Variants in MYO1B observed in about 807,000 individuals in gnomAD.
MYO1B encodes the protein unconventional myosin-Ib.
MYO1B carries 72 observed loss-of-function variants against 159.7 expected under a neutral mutation model. The observed-to-expected ratio is 0.45, with a 90% CI of 0.37 to 0.55. MYO1B has a LOEUF of 0.55. Among genes scored for constraint, MYO1B ranks in the 20% least tolerant of loss-of-function variants. The probability of loss-of-function intolerance (pLI) is 0.00; values close to 1 mark genes in which losing one functional copy is unlikely to be tolerated. For missense variants in MYO1B, 1,062 were observed against 1,364.8 expected, an observed-to-expected ratio of 0.78 and a Z score of 3.50; for synonymous variants, 468 against 473.8, an observed-to-expected ratio of 0.99 and a Z score of 0.16.
intron 7 of MYO1B, among the ~76,000 whole-genome samples, chr2:191,359,660 G>A (rs568327322): frequency 2.2e-4 from 33 of 152,278 alleles, no homozygotes; most frequent in African/African-American, 7.7e-4. Context: ...ATCGTTCCTA[G>A]ATTAAATGGC....
At chr2:191,373,074 T>A (rs1694478540) in intron 13 of MYO1B, among the ~76,000 whole-genome samples, 1 of 151,892 alleles carries the variant, frequency 6.6e-6, no homozygotes, top group Non-Finnish European at 1.5e-5. Context: ...ATGGTCTCGA[T>A]CTTTTGACTT....
rs113871057 is a variant in MYO1B at position 191,324,865 on chromosome 2, A to G, written c.252-5070A>G. 3.5e-3 allele frequency among the ~76,000 whole-genome samples: 537 copies of G among 152,294 alleles called. 1 individual carries two copies. The highest frequency in any genetic ancestry group is 0.012 in the African/African-American group (516 of 41,570). ...TGAATGTCTGGTGGAAGGGCATAACACTAACTTGACAATGATATCAAAATG... is the reference window on the plus strand; with the variant it reads ...TGAATGTCTGGTGGAAGGGCATAACGCTAACTTGACAATGATATCAAAATG... On this transcript the variant is annotated intron_variant, in intron 3 of 30. Coordinates refer to ENST00000392318, the MANE Select transcript of MYO1B (RefSeq NM_001130158.3).
At chr2:191,304,572 A>G (rs968518774) in intron 3 of MYO1B, among the ~76,000 whole-genome samples, 1 of 114,340 alleles carries the variant, frequency 8.7e-6, no homozygotes, top group Non-Finnish European at 2.0e-5. Context: ...CCCCATCTCA[A>G]AAAACAACAA....
At chr2:191,326,766 A>ATGTG (rs1691100272) in intron 3 of MYO1B, among the ~76,000 whole-genome samples, 3 of 120,226 alleles carry the variant, frequency 2.5e-5, no homozygotes. Flanking sequence ...TTGTGTTTGT[A>ATGTG]TATATGTGTG....
At chr2:191,377,634 C>G (rs557702667) in intron 13 of MYO1B, 43 of 152,174 alleles carry the variant, frequency 2.8e-4, no homozygotes, top group African/African-American at 9.6e-4. Context: ...AGTTGAAAAC[C>G]AGGTATTAAT....
At chr2:191,397,642 C>T (rs1005694137) in intron 21 of MYO1B, among the ~76,000 whole-genome samples, 3 of 147,144 alleles carry the variant, frequency 2.0e-5, no homozygotes, top group Admixed American at 6.7e-5. Flanking sequence ...TTTCCCCACC[C>T]TTCCCGCCTT....
intron 18 of MYO1B, among the ~76,000 whole-genome samples, chr2:191,390,702 T>G (rs544225047): frequency 2.6e-5 from 4 of 152,318 alleles, no homozygotes; most frequent in African/African-American, 7.2e-5. Flanking sequence ...GGCAATAATA[T>G]TAATTTTTAG....
At chr2:191,330,065 A>G (rs1691364646) in intron 4 of MYO1B, 36 bp downstream of exon 4, 4 of 1,568,444 alleles carry the variant, frequency 2.6e-6, no homozygotes, top group Non-Finnish European at 2.6e-6. Context: ...CAGAAGGTAA[A>G]TGCTGCACAG....
chr2:191,251,018 G>T (rs1312778315), intron 1 of MYO1B, among the ~76,000 whole-genome samples: 1 of 152,144 alleles, frequency 6.6e-6, no homozygotes, highest in Admixed American at 6.5e-5. Flanking sequence ...TCCTTGGCTG[G>T]TCCAAAGCTA....
At chr2:191,382,134 G>C (rs1474145912) in intron 14 of MYO1B, among the ~76,000 whole-genome samples, 1 of 151,846 alleles carries the variant, frequency 6.6e-6, no homozygotes, top group East Asian at 1.9e-4. Flanking sequence ...TTTTAAAATA[G>C]CCAGTCTTTT....
intron 1 of MYO1B, among the ~76,000 whole-genome samples, chr2:191,254,496 C>T (rs1419064071): frequency 6.6e-6 from 1 of 151,900 alleles, no homozygotes; most frequent in Non-Finnish European, 1.5e-5. Context: ...AGGCGTGAGC[C>T]ACCGCGCCCG....
chr2:191,406,695 G>C (rs1246984103), intron 24 of MYO1B, among the ~76,000 whole-genome samples: 1 of 152,148 alleles, frequency 6.6e-6, no homozygotes, highest in African/African-American at 2.4e-5. Flanking sequence ...GAAAAAGTTT[G>C]AAATATTGTG....
At position 191,370,438 on chromosome 2, in the gene MYO1B, T is replaced by C. The variant is rs968483991; in HGVS notation, c.1185+146T>C. The C allele has an allele frequency of 5.1e-5, 33 of 642,026 alleles. No individual in the cohort carries two copies. The African/African-American group carries it at 5.9e-4, about 12-fold the overall frequency. 39.8% of individuals were successfully genotyped at this position (642,026 alleles called of 1,614,324 possible). On this transcript the variant is annotated intron_variant, in intron 13 of 30. Transcript: ENST00000392318. ...AGATGTAACACACTATCACTTTGAA[T>C]CTGCCAACAAATCTTTGTGTAGATG...
chr2:191,421,119 G>A (rs1375334920), intron 30 of MYO1B, among the ~76,000 whole-genome samples: 1 of 148,222 alleles, frequency 6.7e-6, no homozygotes, highest in Non-Finnish European at 1.5e-5. Context: ...GCCTAGGCTC[G>A]AGTGCAGTGG....
intron 3 of MYO1B, among the ~76,000 whole-genome samples, chr2:191,315,849 G>C (rs1574411420): frequency 1.3e-5 from 2 of 152,200 alleles, no homozygotes; most frequent in Admixed American, 1.3e-4. Context: ...TCTATAAGAG[G>C]TATAAGTAAG....
At chr2:191,397,046 C>T (rs1029054618) in intron 21 of MYO1B, among the ~76,000 whole-genome samples, 2 of 144,802 alleles carry the variant, frequency 1.4e-5, no homozygotes, top group Non-Finnish European at 3.0e-5. Flanking sequence ...AGCCTGCTTG[C>T]GTGTTCTCAT....
chr2:191,276,090 G>A (rs1012653733), intron 1 of MYO1B, among the ~76,000 whole-genome samples: 4 of 152,150 alleles, frequency 2.6e-5, no homozygotes, highest in Admixed American at 1.3e-4. Flanking sequence ...TGTTTACTGC[G>A]TGTTAATTTG....
chr2:191,416,314 A>C, intron 30 of MYO1B, 72 bp downstream of exon 30: 59 of 1,541,426 alleles, frequency 3.8e-5, no homozygotes, highest in Non-Finnish European at 4.9e-5. Flanking sequence ...TCTCGATCTC[A>C]TTCATTAATA....
intron 30 of MYO1B, among the ~76,000 whole-genome samples, chr2:191,417,457 T>G (rs1697646793): frequency 6.6e-6 from 1 of 152,190 alleles, no homozygotes; most frequent in Admixed American, 6.5e-5. Flanking sequence ...AGTTGAAGTT[T>G]TTCATAATCT....
Sources: gnomAD v4.1 joint callset for allele counts (sites outside exome capture counted in the v4.1 genomes callset) on GRCh38, gnomAD v4.1.1 for gene constraint, MANE v1.5 for transcripts, NCBI Gene and HGNC (gene_info 2026-07-23, HGNC 2026-07-21) for gene names.